Variants in ARAP1 observed in about 807,000 individuals in gnomAD.
The protein encoded by ARAP1 is ArfGAP with RhoGAP domain, ankyrin repeat and PH domain 1.
Under a neutral mutation model 172.2 loss-of-function variants are expected in ARAP1, and 76 were observed. The observed-to-expected ratio is 0.44, with a 90% confidence interval of 0.37 to 0.53. ARAP1 has a LOEUF of 0.53. Among genes scored for constraint, ARAP1 ranks in the 20% least tolerant of loss-of-function variants. The pLI is 0.00. For synonymous variants in ARAP1, 804 were observed against 803.3 expected (o/e 1.00, Z -0.01); for missense variants, 1,686 against 1,977.5 (o/e 0.85, Z 2.80).
rs1856290630 is a variant in ARAP1, at chr11:72,697,933, T to C, written c.2715A>G (p.Gln905=). The change falls in exon 19 of 35, where the codon CAA becomes CAG. Residue 905 remains glutamine, a synonymous_variant. Transcript: ENST00000393609. ...FPEGPCEEPL[Q]LRKLQELSIQ... is the part of the protein sequence containing the mutation. The stretch of plus-strand genomic sequence containing the variant: ...CACAAAGCTCCTGCAGTTTCCGTAG[T>C]TGCAGCGGCTCTTCGCAGGGCCCCT... The C allele has an allele frequency of 1.2e-6, 2 of 1,606,556 alleles. No individual in the cohort carries two copies. The highest frequency in any genetic ancestry group is 1.7e-6 in the Non-Finnish European group (2 of 1,176,156).
intron 32 of ARAP1, 43 bp from the exon 33 acceptor site, chr11:72,687,545 C>T (rs1855743864): frequency 6.2e-7 from 1 of 1,614,044 alleles, no homozygotes; most frequent in African/African-American, 1.3e-5. Flanking sequence ...AAAGGCCTGA[C>T]TGAGCAGGGA....
At chr11:72,705,419 C>A in intron 13 of ARAP1, 1 of 176,604 alleles carries the variant, frequency 5.7e-6, no homozygotes, top group Non-Finnish European at 1.2e-5. Context: ...GATTACAGCC[C>A]TGCCCAGGAC....
At chr11:72,740,858 C>A (rs1414850134) in intron 1 of ARAP1, among the ~76,000 whole-genome samples, 1 of 152,176 alleles carries the variant, frequency 6.6e-6, no homozygotes, top group Non-Finnish European at 1.5e-5. Context: ...TCAGACCCCA[C>A]CCTGGCCCTG....
rs1348235159 is a variant in ARAP1 at position 72,697,306 on chromosome 11, C to G, written c.2953+17G>C. Reference sequence around the variant, plus strand: ...CTCCGGGAGGGGCGGGGCTGGCACCCTAGGGGCAGGGCTCACCGCACTGCG... The same window carrying G: ...CTCCGGGAGGGGCGGGGCTGGCACCGTAGGGGCAGGGCTCACCGCACTGCG... On this transcript the variant is annotated intron_variant, in intron 21 of 34. Transcript: ENST00000393609. 1 of 1,576,388 alleles carries G rather than the reference C, an allele frequency of 6.3e-7. No individual in the cohort carries two copies. The highest frequency in any genetic ancestry group is 1.8e-5 in the Admixed American group (1 of 54,192).
intron 3 of ARAP1, among the ~76,000 whole-genome samples, chr11:72,720,762 T>A (rs567419067): frequency 1.7e-4 from 26 of 152,288 alleles, no homozygotes; most frequent in Non-Finnish European, 2.9e-4. Flanking sequence ...GGGGCTTTTT[T>A]TCATATAATG....
In ARAP1 at chr11:72,695,331, T is replaced by A; in HGVS notation, c.3576+56A>T. 2.5e-6 allele frequency: 4 copies of A among 1,609,494 alleles called. No individual in the cohort carries two copies. The highest frequency in any genetic ancestry group is 3.4e-6 in the Non-Finnish European group (4 of 1,176,268). On this transcript the variant is annotated intron_variant, in intron 26 of 34. Coordinates refer to ENST00000393609, the MANE Select transcript of ARAP1 (RefSeq NM_001040118.3). The surrounding 1 kb of genome is among the most constrained non-coding windows in gnomAD (Gnocchi z 4.4). ...CACTGCTCCCCTGGCCATCTGAGCC[T>A]GTACCTGGCCCAGCCTGATTCTCTA...
At chr11:72,716,302 C>T (rs1390906855) in intron 3 of ARAP1, among the ~76,000 whole-genome samples, 3 of 151,770 alleles carry the variant, frequency 2.0e-5, no homozygotes, top group Non-Finnish European at 4.4e-5. Flanking sequence ...CACTTGGCTA[C>T]TTCCACATCA....
chr11:72,719,624 G>A (rs1045825410), intron 3 of ARAP1, among the ~76,000 whole-genome samples: 4 of 152,188 alleles, frequency 2.6e-5, no homozygotes, highest in African/African-American at 7.2e-5. Flanking sequence ...TAGCCTTAGC[G>A]GCCTCTAATG....
intron 3 of ARAP1, among the ~76,000 whole-genome samples, chr11:72,717,319 G>C (rs1857321935): frequency 6.6e-6 from 1 of 152,186 alleles, no homozygotes; most frequent in South Asian, 2.1e-4. Context: ...TGTCAGGCCA[G>C]GGCCAGTCAG....
chr11:72,705,262 C>T (rs1465647954), intron 13 of ARAP1: 1 of 154,540 alleles, frequency 6.5e-6, no homozygotes, highest in Non-Finnish European at 1.4e-5. Flanking sequence ...TATATACCCA[C>T]TGGTACATGT....
In ARAP1 at chr11:72,711,045, A is replaced by G. The variant is rs760014904; in HGVS notation, c.1189T>C (p.Phe397Leu). The G allele has an allele frequency of 6.2e-7, 1 of 1,614,174 alleles. No individual in the cohort carries two copies. The highest frequency in any genetic ancestry group is 1.1e-5 in the South Asian group (1 of 91,078). The change falls in exon 9 of 35, where the codon TTT becomes CTT. Residue 397 changes from phenylalanine (F) to leucine (L), a missense_variant. Phe to Leu is a conservative substitution (Grantham distance 22). Around this residue, in one of 5 missense-constraint regions of ARAP1, gnomAD observed 688 missense variants for 856.9 expected, o/e 0.80. Transcript: ENST00000393609. ...KFEVITNNRTFAFRAESDVER... is the reference protein window; with the variant it reads ...KFEVITNNRTLAFRAESDVER... ...CCATCACTCTCTGCCCGGAAGGCAA[A>G]GGTTCGGTTGTTTGTGATCACTTCA...
chr11:72,702,545 C>T (rs1049895974), intron 15 of ARAP1, among the ~76,000 whole-genome samples: 2 of 152,198 alleles, frequency 1.3e-5, no homozygotes, highest in African/African-American at 4.8e-5. Context: ...ACTCAGCACC[C>T]CTCACGCAGC....
chr11:72,712,214 TCCAG>T lies in ARAP1; in HGVS notation c.1000_1003del (p.Leu334ThrfsTer16). The T allele has an allele frequency of 1.2e-6, 2 of 1,606,084 alleles. No individual in the cohort carries two copies. The highest frequency in any genetic ancestry group is 8.5e-7 in the Non-Finnish European group (1 of 1,177,496). ...CACTCACCCCTGCGGTGGGTTCTTG[TCCAG>T]CCAGCCAGCCTTGATGACTGGTGTG... On this transcript the variant is annotated frameshift_variant, in exon 7 of 35. Transcript: ENST00000393609. LOFTEE classifies it high-confidence loss of function.
At chr11:72,691,709 T>C (rs1855939590) in intron 30 of ARAP1, among the ~76,000 whole-genome samples, 1 of 152,022 alleles carries the variant, frequency 6.6e-6, no homozygotes, top group African/African-American at 2.4e-5. Flanking sequence ...ACACTGGGGA[T>C]GGGGTGGTGG....
intron 3 of ARAP1, among the ~76,000 whole-genome samples, chr11:72,721,438 C>G (rs907483026): frequency 6.6e-6 from 1 of 152,154 alleles, no homozygotes; most frequent in Non-Finnish European, 1.5e-5. Context: ...CCCAACGAAT[C>G]CCCAGAGGGG....
chr11:72,695,306 C>T lies in ARAP1; in HGVS notation c.3576+81G>A, dbSNP rs1856134877. 6.3e-7 allele frequency: 1 copy of T among 1,577,726 alleles called. No homozygotes were observed. Among genetic ancestry groups the T allele is most frequent in the South Asian group, 1.1e-5 (1 of 89,566 alleles). The stretch of plus-strand genomic sequence containing the variant: ...ACTGGTCCTCTCCTCGGGGTAGAAG[C>T]ACTGCTCCCCTGGCCATCTGAGCCT... On this transcript the variant is annotated intron_variant, in intron 26 of 34. Coordinates refer to ENST00000393609, the MANE Select transcript of ARAP1 (RefSeq NM_001040118.3). This position sits in a 1 kb window ranked among gnomAD's most constrained non-coding sequence, Gnocchi z 4.4.
rs569689646 is a variant in ARAP1 at position 72,725,164 on chromosome 11, C to T, written c.509+1456G>A. On this transcript the variant is annotated intron_variant, in intron 3 of 34. Transcript: ENST00000393609. This position sits in a 1 kb window ranked among gnomAD's most constrained non-coding sequence, Gnocchi z 4.3. ...AGCAGGAACCCAGGCCTCCACTGCC[C>T]GTCCGGGAGTCACAGGAAGGGCCTG... Among the ~76,000 whole-genome samples the T allele has an allele frequency of 5.3e-4, 81 of 152,286 alleles. No homozygotes were observed. The highest frequency in any genetic ancestry group is 1.3e-3 in the African/African-American group (54 of 41,558).
chr11:72,712,846 A>G (rs1857089665), intron 5 of ARAP1: 4 of 603,054 alleles, frequency 6.6e-6, no homozygotes, highest in South Asian at 6.0e-5. Flanking sequence ...GATGCAAGAC[A>G]GACAGACACG....
chr11:72,712,359 TG>T lies in ARAP1; in HGVS notation c.879-21del. 6.9e-7 allele frequency: 1 copy of T among 1,458,550 alleles called. No homozygotes were observed. The highest frequency in any genetic ancestry group is 2.5e-5 in the East Asian group (1 of 40,428). 90.4% of individuals were successfully genotyped at this position (1,458,550 alleles called of 1,614,324 possible). On this transcript the variant is annotated intron_variant, in intron 6 of 34. Transcript: ENST00000393609. ...CCGCCACTAGCGAGAGATGAGGGGA[TG>T]GGGGGCCGGGCTGAGGAGGCAAGGA...
Sources: gnomAD v4.1 joint callset for allele counts (sites outside exome capture counted in the v4.1 genomes callset) on GRCh38, gnomAD v4.1.1 for gene constraint, gnomAD v4.1.1 regional missense constraint, Gnocchi (gnomAD v3.1) non-coding constraint, MANE v1.5 for transcripts, NCBI Gene and HGNC (gene_info 2026-07-23, HGNC 2026-07-21) for gene names.